The following MAST4 variants were observed in gnomAD, a reference collection of about 807,000 sequenced individuals.
MAST4 encodes the protein microtubule associated serine/threonine kinase family member 4, also known as microtubule-associated serine/threonine-protein kinase 4.
MAST4 carries 89 observed loss-of-function variants against 162.7 expected under a neutral mutation model. The observed-to-expected ratio is 0.55, with a 90% CI of 0.46 to 0.65. The LOEUF (loss-of-function observed/expected upper bound fraction) is 0.65, where lower values mean the gene tolerates loss of function less well. Among genes scored for constraint, MAST4 ranks in the 30% least tolerant of loss-of-function variants. The pLI, the probability that MAST4 is intolerant of heterozygous loss-of-function variation, is 0.00. For missense variants in MAST4, 3,153 were observed against 3,374.0 expected, an observed-to-expected ratio of 0.93 and a Z score of 1.62; for synonymous variants, 1,479 against 1,361.1, an observed-to-expected ratio of 1.09 and a Z score of -1.91.
intron 4 of MAST4, among the ~76,000 whole-genome samples, chr5:67,011,266 C>T (rs773218582): frequency 1.8e-4 from 28 of 152,122 alleles, no homozygotes; most frequent in Non-Finnish European, 3.5e-4. Flanking sequence ...GAGACTGAAG[C>T]CTGGCCCCAC....
chr5:66,682,864 C>T (rs1304176933), intron 1 of MAST4, among the ~76,000 whole-genome samples: 1 of 152,224 alleles, frequency 6.6e-6, no homozygotes, highest in African/African-American at 2.4e-5. Context: ...TGCCACTGCA[C>T]CCCGCTTCAT....
At chr5:66,698,140 A>G (rs987706343) in intron 1 of MAST4, among the ~76,000 whole-genome samples, 3 of 151,884 alleles carry the variant, frequency 2.0e-5, no homozygotes, top group Admixed American at 1.3e-4. Context: ...GGACTCCTGC[A>G]AAATCCCTTG....
intron 2 of MAST4, among the ~76,000 whole-genome samples, chr5:66,778,886 C>T (rs2149654741): frequency 6.6e-6 from 1 of 152,270 alleles, no homozygotes; most frequent in South Asian, 2.1e-4. Flanking sequence ...TTGTTTTTCA[C>T]CCATCCCTAG....
At chr5:66,766,345 A>T (rs1754095284) in intron 2 of MAST4, among the ~76,000 whole-genome samples, 1 of 152,202 alleles carries the variant, frequency 6.6e-6, no homozygotes, top group South Asian at 2.1e-4. Context: ...TATGTGTATA[A>T]CATGCACATA....
intron 3 of MAST4, among the ~76,000 whole-genome samples, chr5:66,889,343 A>G (rs1327289639): frequency 6.6e-6 from 1 of 152,222 alleles, no homozygotes; most frequent in African/African-American, 2.4e-5. Flanking sequence ...GCCTTCATAA[A>G]TCATTCTAGG....
At chr5:66,966,112 A>G (rs1295128606) in intron 4 of MAST4, among the ~76,000 whole-genome samples, 1 of 152,246 alleles carries the variant, frequency 6.6e-6, no homozygotes, top group Non-Finnish European at 1.5e-5. Flanking sequence ...GCCTTTGATT[A>G]CAGATGAAAA....
At chr5:66,946,337 T>C (rs1427195274) in intron 4 of MAST4, among the ~76,000 whole-genome samples, 1 of 152,174 alleles carries the variant, frequency 6.6e-6, no homozygotes, top group African/African-American at 2.4e-5. Context: ...GATGAAATTA[T>C]TGAACTTCTT....
At chr5:66,689,235 G>T (rs140102217) in intron 1 of MAST4, among the ~76,000 whole-genome samples, 6 of 152,140 alleles carry the variant, frequency 3.9e-5, no homozygotes, top group African/African-American at 1.2e-4. Context: ...TTGTCTTCAG[G>T]CTATCTAACC....
At position 66,989,948 on chromosome 5, in the gene MAST4, A is replaced by T. The variant is rs76190880; in HGVS notation, c.675-64456A>T. 7.6e-4 allele frequency among the ~76,000 whole-genome samples: 115 copies of T among 152,242 alleles called. 4 individuals are homozygous for T. In the East Asian group the frequency reaches 0.02, roughly 26 times the overall value. On this transcript the variant is annotated intron_variant, in intron 4 of 28. Transcript: ENST00000403625. ...TTTTGTAGCTTTATTCTTGATCTCC[A>T]CCTTAGGGCATTTCTGTGCTCTCCG...
chr5:66,692,014 G>A (rs17271147), intron 1 of MAST4, among the ~76,000 whole-genome samples: 5,662 of 152,190 alleles, frequency 0.037, 153 homozygotes, highest in Admixed American at 0.069. Context: ...AGGAACCCAA[G>A]GACATATATA....
In MAST4 at chr5:67,109,674, T is replaced by G. The variant is rs550550817; in HGVS notation, c.1357-424T>G. ...AAATATACTTCAATAATGTGTTAAGTGTCCAGGATAAAAGCAGCCCTTCAC... is the reference window on the plus strand; with the variant it reads ...AAATATACTTCAATAATGTGTTAAGGGTCCAGGATAAAAGCAGCCCTTCAC... On this transcript the variant is annotated intron_variant, in intron 10 of 28. Transcript: ENST00000403625. Among the ~76,000 whole-genome samples the G allele has an allele frequency of 2.6e-5, 4 of 152,314 alleles. No homozygotes were observed. The South Asian group carries it at 8.3e-4, about 32-fold the overall frequency.
intron 5 of MAST4, among the ~76,000 whole-genome samples, chr5:67,074,982 T>C (rs2150689253): frequency 6.6e-6 from 1 of 152,250 alleles, no homozygotes; most frequent in South Asian, 2.1e-4. Flanking sequence ...TTAAACAGTT[T>C]TATGTGTAGC....
chr5:66,772,290 G>A lies in MAST4; in HGVS notation c.517+12428G>A, dbSNP rs148337335. Among the ~76,000 whole-genome samples the A allele has an allele frequency of 4.0e-3, 605 of 152,246 alleles. 5 individuals carry two copies. Among genetic ancestry groups the A allele is most frequent in the African/African-American group, 0.014 (575 of 41,538 alleles). The stretch of plus-strand genomic sequence containing the variant: ...ATAGGTAACTGGCTCTTCTGATGAT[G>A]TTTCAGTTTCTATTTTATACTTTTC... On this transcript the variant is annotated intron_variant, in intron 2 of 28. Transcript: ENST00000403625.
intron 3 of MAST4, among the ~76,000 whole-genome samples, chr5:66,845,246 C>A (rs540679321): frequency 4.0e-4 from 61 of 151,382 alleles, no homozygotes; most frequent in Non-Finnish European, 7.8e-4. Context: ...TTAGGCATTT[C>A]TCCTAATGCT....
intron 1 of MAST4, among the ~76,000 whole-genome samples, chr5:66,677,981 AT>A (rs1177605683): frequency 6.6e-6 from 1 of 152,086 alleles, no homozygotes; most frequent in Non-Finnish European, 1.5e-5. Flanking sequence ...GGCATATCTG[AT>A]TGTGAAGTCA....
chr5:66,624,355 G>A (rs761565808), intron 1 of MAST4, among the ~76,000 whole-genome samples: 1 of 151,604 alleles, frequency 6.6e-6, no homozygotes, highest in South Asian at 2.1e-4. Context: ...GGGTTTCACC[G>A]TATTAGTCAG....
chr5:67,123,782 A>G (rs1767854997), intron 14 of MAST4, among the ~76,000 whole-genome samples: 1 of 152,120 alleles, frequency 6.6e-6, no homozygotes, highest in Non-Finnish European at 1.5e-5. Context: ...AAGGCGCACC[A>G]TTTCTCCCCC....
At chr5:67,059,961 C>A (rs976090669) in intron 5 of MAST4, among the ~76,000 whole-genome samples, 2 of 152,094 alleles carry the variant, frequency 1.3e-5, no homozygotes, top group South Asian at 4.2e-4. Context: ...ATCACGTGAA[C>A]ATTTTCATGC....
chr5:66,914,307 G>A (rs895643557), intron 4 of MAST4, among the ~76,000 whole-genome samples: 1 of 152,162 alleles, frequency 6.6e-6, no homozygotes, highest in Admixed American at 6.6e-5. Context: ...GGATGGAATG[G>A]CCCCCAGGGT....
Sources: gnomAD v4.1 joint callset for allele counts (sites outside exome capture counted in the v4.1 genomes callset) on GRCh38, gnomAD v4.1.1 for gene constraint, MANE v1.5 for transcripts, NCBI Gene and HGNC (gene_info 2026-07-23, HGNC 2026-07-21) for gene names.